Variants in GTF2F2 observed in about 807,000 individuals in gnomAD.
GTF2F2 encodes ATP-dependent helicase GTF2F2.
Under a neutral mutation model 42.2 loss-of-function variants are expected in GTF2F2, and 23 were observed. The observed-to-expected ratio is 0.55, with a 90% confidence interval of 0.39 to 0.77. The LOEUF is 0.77. GTF2F2 is among the 30% of genes least tolerant of loss of function. GTF2F2 has a pLI of 0.00. For missense variants in GTF2F2, 261 were observed against 287.2 expected (o/e 0.91, Z 0.66); for synonymous variants, 105 against 100.8 (o/e 1.04, Z -0.25).
chr13:45,121,580 T>G (rs114147832), intron 1 of GTF2F2, among the ~76,000 whole-genome samples: 149 of 152,364 alleles, frequency 9.8e-4, no homozygotes, highest in African/African-American at 3.3e-3. Flanking sequence ...ACACGACAGA[T>G]GTGTATTACA....
rs75582349 is a variant in GTF2F2 at position 45,143,392 on chromosome 13, A to G, written c.141-6378A>G. Reference sequence around the variant, plus strand: ...TAGCCTGAGGTTTAGTCCTTACCCTATCACTTACTAGCTATGTGACTTTGC... The same window carrying G: ...TAGCCTGAGGTTTAGTCCTTACCCTGTCACTTACTAGCTATGTGACTTTGC... On this transcript the variant is annotated intron_variant, in intron 2 of 7. Transcript: ENST00000340473. Among the ~76,000 whole-genome samples the G allele has an allele frequency of 1.6e-3, 246 of 152,338 alleles. 3 individuals carry two copies. The East Asian group carries it at 0.036, about 22-fold the overall frequency.
intron 6 of GTF2F2, among the ~76,000 whole-genome samples, chr13:45,258,230 T>C (rs1215023224): frequency 2.0e-5 from 3 of 151,936 alleles, no homozygotes; most frequent in Non-Finnish European, 2.9e-5. Context: ...AAAACAACTC[T>C]AGATATTCCA....
intron 4 of GTF2F2, among the ~76,000 whole-genome samples, chr13:45,197,906 A>C (rs1593486007): frequency 2.0e-5 from 3 of 152,234 alleles, no homozygotes; most frequent in Admixed American, 1.3e-4. Context: ...TAAACCACAC[A>C]TGTCAAAGAT....
chr13:45,167,447 G>A (rs1871348366), intron 4 of GTF2F2, among the ~76,000 whole-genome samples: 1 of 148,944 alleles, frequency 6.7e-6, no homozygotes, highest in Admixed American at 6.7e-5. Flanking sequence ...CACCAGGCTG[G>A]AGTGCAGTGG....
At chr13:45,260,963 TAAA>T (rs1388425123) in intron 6 of GTF2F2, among the ~76,000 whole-genome samples, 1 of 152,048 alleles carries the variant, frequency 6.6e-6, no homozygotes, top group Non-Finnish European at 1.5e-5. Context: ...CTGTCTCTAA[TAAA>T]AATACAAAAA....
intron 6 of GTF2F2, among the ~76,000 whole-genome samples, chr13:45,266,203 AG>A (rs1308257801): frequency 1.3e-5 from 2 of 152,226 alleles, no homozygotes; most frequent in Non-Finnish European, 2.9e-5. Flanking sequence ...TTATTTGGAT[AG>A]TAGATACTGT....
intron 2 of GTF2F2, among the ~76,000 whole-genome samples, chr13:45,146,830 C>G (rs938862988): frequency 1.3e-5 from 2 of 152,150 alleles, no homozygotes; most frequent in Non-Finnish European, 2.9e-5. Flanking sequence ...GAAGATAGCA[C>G]TGTATTGTAC....
intron 4 of GTF2F2, among the ~76,000 whole-genome samples, chr13:45,185,738 A>C (rs1350768555): frequency 6.6e-6 from 1 of 152,186 alleles, no homozygotes; most frequent in Non-Finnish European, 1.5e-5. Context: ...ATTGTTTTTT[A>C]AGAAAGAAAA....
chr13:45,273,461 A>ACATGGTATTACAT (rs1343113256), intron 7 of GTF2F2, among the ~76,000 whole-genome samples: 4 of 152,046 alleles, frequency 2.6e-5, no homozygotes, highest in African/African-American at 7.3e-5. Flanking sequence ...ATTTTACGTA[A>ACATGGTATTACAT]GGTATTACAT....
intron 4 of GTF2F2, among the ~76,000 whole-genome samples, chr13:45,181,196 A>AC (rs1872148300): frequency 2.0e-5 from 3 of 150,946 alleles, no homozygotes; most frequent in African/African-American, 4.9e-5. Flanking sequence ...AAACAAAAAA[A>AC]AAAAAAACCA....
At chr13:45,237,329 A>G (rs1875044292) in intron 5 of GTF2F2, among the ~76,000 whole-genome samples, 1 of 152,186 alleles carries the variant, frequency 6.6e-6, no homozygotes, top group Admixed American at 6.5e-5. Flanking sequence ...ATATAGCTAA[A>G]TATCCCCTAT....
chr13:45,132,600 A>G (rs569652080), intron 1 of GTF2F2, among the ~76,000 whole-genome samples: 30 of 152,264 alleles, frequency 2.0e-4, no homozygotes, highest in Non-Finnish European at 3.5e-4. Flanking sequence ...CCTGAGTCAC[A>G]GATACTAAGG....
chr13:45,200,799 A>G (rs1873144353), intron 4 of GTF2F2, among the ~76,000 whole-genome samples: 1 of 152,218 alleles, frequency 6.6e-6, no homozygotes, highest in African/African-American at 2.4e-5. Context: ...AGGAATATTA[A>G]AAATGGTTTG....
At chr13:45,213,235 C>T (rs531289957) in intron 5 of GTF2F2, among the ~76,000 whole-genome samples, 25 of 151,594 alleles carry the variant, frequency 1.6e-4, no homozygotes, top group South Asian at 8.4e-4. Flanking sequence ...CCCGCCACCA[C>T]GCCCGGCTAA....
intron 5 of GTF2F2, among the ~76,000 whole-genome samples, chr13:45,222,714 G>A (rs1566140182): frequency 1.3e-5 from 2 of 152,138 alleles, no homozygotes; most frequent in East Asian, 3.9e-4. Context: ...CAGACACTCA[G>A]GAATGAAAAG....
intron 5 of GTF2F2, among the ~76,000 whole-genome samples, chr13:45,251,243 A>T (rs1055551569): frequency 1.3e-5 from 2 of 152,200 alleles, no homozygotes; most frequent in Non-Finnish European, 2.9e-5. Flanking sequence ...AAGGAATTAA[A>T]TAATAGGAAT....
chr13:45,195,028 C>A (rs1424200872), intron 4 of GTF2F2, among the ~76,000 whole-genome samples: 1 of 152,048 alleles, frequency 6.6e-6, no homozygotes, highest in African/African-American at 2.4e-5. Flanking sequence ...GATTTAGTGT[C>A]ATCTTTTTAA....
chr13:45,219,338 A>G (rs186738361), intron 5 of GTF2F2: 1 of 152,332 alleles, frequency 6.6e-6, no homozygotes, highest in Admixed American at 6.5e-5. Flanking sequence ...TCAGTTTCAA[A>G]AGGTTGCCTG....
intron 6 of GTF2F2, 134 bp downstream of exon 6, chr13:45,253,104 G>A: frequency 2.1e-6 from 1 of 473,300 alleles, no homozygotes; most frequent in South Asian, 4.8e-5. Flanking sequence ...TACCTGATCT[G>A]GACTTAGTAA....
Sources: allele counts gnomAD v4.1 joint callset (sites outside exome capture counted in the v4.1 genomes callset), GRCh38; gene constraint gnomAD v4.1.1; transcripts MANE v1.5; gene names NCBI Gene and HGNC (gene_info 2026-07-23, HGNC 2026-07-21).